The following PDE2A variants were observed in gnomAD, a reference collection of about 807,000 sequenced individuals.
PDE2A encodes the protein cGMP-dependent 3',5'-cyclic phosphodiesterase.
A neutral mutation model predicts 133.6 loss-of-function variants in PDE2A; 53 were observed. The observed-to-expected ratio is 0.40, with a 90% CI of 0.32 to 0.50. The LOEUF (loss-of-function observed/expected upper bound fraction) is 0.50, where lower values mean the gene tolerates loss of function less well. PDE2A is among the 20% of genes least tolerant of loss of function. The pLI, the probability that PDE2A is intolerant of heterozygous loss-of-function variation, is 0.73. For synonymous variants in PDE2A, 491 were observed against 490.2 expected, an observed-to-expected ratio of 1.00 and a Z score of -0.02; for missense variants, 796 against 1,232.4, an observed-to-expected ratio of 0.65 and a Z score of 5.30.
Position 72,588,765 on chromosome 11 carries a change from T to A in PDE2A, c.1070+19A>T, listed in dbSNP as rs751551503. ...TCTCAGTGACATCTCCTGATCTGCA[T>A]CATCCCACAAAGACTCACAAGTCTC... On this transcript the variant is annotated intron_variant, in intron 13 of 30. Transcript: ENST00000334456. The A allele has an allele frequency of 6.3e-7, 1 of 1,579,772 alleles. No individual in the cohort carries two copies. The highest frequency in any genetic ancestry group is 8.6e-7 in the Non-Finnish European group (1 of 1,157,558).
At chr11:72,582,998 C>T (rs1467135) in intron 20 of PDE2A, among the ~76,000 whole-genome samples, 57,976 of 152,100 alleles carry the variant, frequency 0.38, 12,924 homozygotes, top group Middle Eastern at 0.56. Flanking sequence ...AAATGAACAG[C>T]GACTACCATA....
intron 1 of PDE2A, among the ~76,000 whole-genome samples, chr11:72,653,361 C>T (rs184654): frequency 6.6e-6 from 1 of 152,044 alleles, no homozygotes; most frequent in Admixed American, 6.5e-5. Flanking sequence ...CACCATCAGA[C>T]AGCAAGAGAG....
At chr11:72,652,870 TC>T (rs1453107923) in intron 1 of PDE2A, among the ~76,000 whole-genome samples, 5 of 152,044 alleles carry the variant, frequency 3.3e-5, no homozygotes, top group African/African-American at 1.2e-4. Flanking sequence ...CTTGAGCAAC[TC>T]CTCCCAGCCC....
intron 21 of PDE2A, 73 bp downstream of exon 21, chr11:72,582,371 T>G: frequency 1.4e-6 from 2 of 1,443,112 alleles, no homozygotes; most frequent in Non-Finnish European, 1.9e-6. Context: ...AGGAAGTTCT[T>G]GATGCGCATT....
intron 2 of PDE2A, among the ~76,000 whole-genome samples, chr11:72,626,084 C>T (rs1354239383): frequency 6.6e-6 from 1 of 152,282 alleles, no homozygotes; most frequent in Non-Finnish European, 1.5e-5. Flanking sequence ...CTTGACGAGG[C>T]TGGCCCTCCC....
chr11:72,589,391 G>A (rs749943800), intron 11 of PDE2A, 151 bp from the exon 12 acceptor site: 4 of 669,990 alleles, frequency 6.0e-6, no homozygotes, highest in South Asian at 3.5e-5. Context: ...AGAGATGGAG[G>A]GGAGTCTGGC....
intron 2 of PDE2A, among the ~76,000 whole-genome samples, chr11:72,631,733 G>A (rs749008268): frequency 2.1e-4 from 32 of 152,000 alleles, no homozygotes; most frequent in African/African-American, 4.4e-4. Flanking sequence ...GAATGCTAGC[G>A]GTGGAGACAC....
chr11:72,641,859 T>TGACA (rs1043976656), intron 2 of PDE2A, among the ~76,000 whole-genome samples: 3 of 152,172 alleles, frequency 2.0e-5, no homozygotes, highest in African/African-American at 7.2e-5. Context: ...GAGTCCTGGA[T>TGACA]GACAGCTGGG....
chr11:72,631,278 C>A, intron 2 of PDE2A: 2 of 614,530 alleles, frequency 3.3e-6, no homozygotes, highest in Non-Finnish European at 5.8e-6. Context: ...ACCCTGCTCT[C>A]TCCCAAGACT....
intron 5 of PDE2A, 85 bp from the exon 6 acceptor site, chr11:72,596,733 A>C: frequency 2.5e-6 from 2 of 793,856 alleles, no homozygotes; most frequent in Non-Finnish European, 3.7e-6. Flanking sequence ...GGGGAGACAA[A>C]GATGCAGACA....
At chr11:72,638,103 C>T (rs1045898431) in intron 2 of PDE2A, among the ~76,000 whole-genome samples, 1 of 152,094 alleles carries the variant, frequency 6.6e-6, no homozygotes, top group African/African-American at 2.4e-5. Context: ...CAGAGGCCAG[C>T]CAGAGAGCAG....
chr11:72,583,628 G>T, intron 19 of PDE2A, 113 bp from the exon 20 acceptor site: 2 of 746,132 alleles, frequency 2.7e-6, no homozygotes, highest in East Asian at 2.5e-5. Flanking sequence ...TCCCATTCTG[G>T]CCCCAGTCAA....
intron 2 of PDE2A, among the ~76,000 whole-genome samples, chr11:72,611,527 T>C (rs1012824151): frequency 6.6e-6 from 1 of 152,176 alleles, no homozygotes; most frequent in Non-Finnish European, 1.5e-5. Flanking sequence ...TTTGCTCTGA[T>C]TGTTCAGTTT....
intron 2 of PDE2A, 74 bp from the exon 3 acceptor site, chr11:72,608,825 G>A (rs532347015): frequency 2.2e-5 from 17 of 779,746 alleles, no homozygotes; most frequent in Admixed American, 1.8e-4. Flanking sequence ...AAAGGACTGT[G>A]AGCAAAACCC....
intron 27 of PDE2A, 115 bp downstream of exon 27, chr11:72,579,169 C>A: frequency 1.0e-6 from 1 of 968,562 alleles, no homozygotes; most frequent in Non-Finnish European, 1.7e-6. Flanking sequence ...GCCGTGCAGC[C>A]AGAGAAGGGT....
At position 72,658,475 on chromosome 11, in the gene PDE2A, C is replaced by G. The variant is rs79442994; in HGVS notation, c.71+15662G>C. Among the ~76,000 whole-genome samples, 64 of 152,210 alleles carry G rather than the reference C, an allele frequency of 4.2e-4. No homozygotes were observed. In the East Asian group the frequency reaches 0.01, roughly 25 times the overall value. On this transcript the variant is annotated intron_variant, in intron 1 of 30. Coordinates refer to ENST00000334456, the MANE Select transcript of PDE2A (RefSeq NM_002599.5). ...CCTGCAACCTCCCCACCTGCCCCCC[C>G]ACACACCCTAGATTTTTTCTGTTTT...
chr11:72,581,235 CT>C (rs1425569683), intron 23 of PDE2A, 121 bp downstream of exon 23: 10 of 1,035,888 alleles, frequency 9.7e-6, no homozygotes, highest in Non-Finnish European at 1.4e-5. Context: ...CTCTAGTCCC[CT>C]GGGGCTAAGA....
chr11:72,622,571 TAAGTA>T (rs1218064934), intron 2 of PDE2A, among the ~76,000 whole-genome samples: 1 of 152,232 alleles, frequency 6.6e-6, no homozygotes, highest in African/African-American at 2.4e-5. Context: ...GACGTTATGC[TAAGTA>T]AACTTAAAAA....
chr11:72,653,270 G>A (rs1339454191), intron 1 of PDE2A, among the ~76,000 whole-genome samples: 2 of 152,240 alleles, frequency 1.3e-5, no homozygotes, highest in Non-Finnish European at 2.9e-5. Context: ...CAGGCCCTGA[G>A]AGACAGAGGC....
Sources: allele counts gnomAD v4.1 joint callset (sites outside exome capture counted in the v4.1 genomes callset), GRCh38; gene constraint gnomAD v4.1.1; transcripts MANE v1.5; gene names NCBI Gene and HGNC (gene_info 2026-07-23, HGNC 2026-07-21).